Variants in TECPR2 observed in about 807,000 individuals in gnomAD.
TECPR2 encodes the protein tectonin beta-propeller repeat-containing protein 2.
A neutral mutation model predicts 138.1 loss-of-function variants in TECPR2; 65 were observed. That is an observed-to-expected ratio of 0.47 (90% confidence interval 0.39 to 0.58). The LOEUF (loss-of-function observed/expected upper bound fraction) is 0.58, where lower values mean the gene tolerates loss of function less well. Among genes scored for constraint, TECPR2 ranks in the 20% least tolerant of loss-of-function variants. The pLI, the probability that TECPR2 is intolerant of heterozygous loss-of-function variation, is 0.00. For missense variants in TECPR2, 1,553 were observed against 1,824.5 expected, an observed-to-expected ratio of 0.85 and a Z score of 2.71; for synonymous variants, 746 against 749.8, an observed-to-expected ratio of 0.99 and a Z score of 0.08.
rs111575651 is a variant in TECPR2, at chr14:102,431,549, A to G, written c.1085-247A>G. 0.16 allele frequency among the ~76,000 whole-genome samples: 24,730 copies of G among 151,944 alleles called. 2,756 individuals carry two copies. Among genetic ancestry groups the G allele is most frequent in the African/African-American group, 0.33 (13,467 of 41,428 alleles). On this transcript the variant is annotated intron_variant, in intron 7 of 19. Coordinates refer to ENST00000359520, the MANE Select transcript of TECPR2 (RefSeq NM_014844.5). ...AGTAGAGACGGGGTTTCACTGTGTT[A>G]GCCAGGATGGTCTTGATCTCCTGAC...
intron 10 of TECPR2, 84 bp from the exon 11 acceptor site, chr14:102,440,352 C>A: frequency 6.6e-7 from 1 of 1,513,592 alleles, no homozygotes; most frequent in Non-Finnish European, 8.9e-7. Context: ...AATCTTTCTC[C>A]CCTCAATGCC....
chr14:102,495,488 C>T (rs980723256), intron 17 of TECPR2, among the ~76,000 whole-genome samples: 6 of 152,084 alleles, frequency 3.9e-5, no homozygotes, highest in African/African-American at 1.4e-4. Flanking sequence ...GCCCCCATTC[C>T]AGGGGGATGC....
At chr14:102,479,400 ATGT>A (rs1477954582) in intron 17 of TECPR2, among the ~76,000 whole-genome samples, 1 of 151,954 alleles carries the variant, frequency 6.6e-6, no homozygotes, top group Non-Finnish European at 1.5e-5. Flanking sequence ...TGCACAAAGG[ATGT>A]TGTGGGAAAG....
chr14:102,466,779 CAGAG>C (rs1020690682), intron 17 of TECPR2, among the ~76,000 whole-genome samples: 3 of 152,194 alleles, frequency 2.0e-5, no homozygotes, highest in African/African-American at 7.2e-5. Flanking sequence ...CACTCCAAAA[CAGAG>C]AGAACACCCT....
intron 5 of TECPR2, among the ~76,000 whole-genome samples, chr14:102,423,162 G>A (rs1188892388): frequency 6.6e-6 from 1 of 152,172 alleles, no homozygotes; most frequent in Non-Finnish European, 1.5e-5. Flanking sequence ...GCCAGGCGCA[G>A]TGGCTCATGC....
At chr14:102,496,396 C>T (rs1442478551) in intron 17 of TECPR2, among the ~76,000 whole-genome samples, 1 of 152,232 alleles carries the variant, frequency 6.6e-6, no homozygotes, top group African/African-American at 2.4e-5. Flanking sequence ...GGGACTTCCT[C>T]CTGTCCTGTG....
intron 17 of TECPR2, among the ~76,000 whole-genome samples, chr14:102,474,414 C>T (rs1047442994): frequency 1.3e-5 from 2 of 152,146 alleles, no homozygotes; most frequent in Non-Finnish European, 2.9e-5. Context: ...CACCTGAGGT[C>T]GGGAGTTCAA....
intron 13 of TECPR2, among the ~76,000 whole-genome samples, chr14:102,446,609 TAA>T (rs1208594836): frequency 6.6e-6 from 1 of 151,662 alleles, no homozygotes; most frequent in Admixed American, 6.6e-5. Flanking sequence ...TAAATAAAAA[TAA>T]AAAAGAGAGA....
chr14:102,440,347 T>G, intron 10 of TECPR2, 89 bp from the exon 11 acceptor site: 1 of 1,505,054 alleles, frequency 6.6e-7, no homozygotes, highest in Non-Finnish European at 9.0e-7. Context: ...TTAGAAATCT[T>G]TCTCCCCTCA....
At chr14:102,483,548 C>T (rs1289540607) in intron 17 of TECPR2, among the ~76,000 whole-genome samples, 2 of 151,704 alleles carry the variant, frequency 1.3e-5, no homozygotes, top group East Asian at 1.9e-4. Context: ...CTCAAGCAAT[C>T]CTCCCACCAC....
At position 102,435,176 on chromosome 14, in the gene TECPR2, G is replaced by A. The variant is rs780941342; in HGVS notation, c.2359G>A (p.Gly787Ser). 3.7e-6 allele frequency: 6 copies of A among 1,612,672 alleles called. No individual in the cohort carries two copies. The highest frequency in any genetic ancestry group is 4.5e-5 in the East Asian group (2 of 44,868). ...SCSQQDLSRLGAEDAGLLKPD... is the reference protein window; with the variant it reads ...SCSQQDLSRLSAEDAGLLKPD... ...CTCCCAGCAGGACCTGAGCCGGCTG[G>A]GTGCAGAGGACGCCGGGCTGCTCAA... The change falls in exon 9 of 20, where the codon GGT becomes AGT. Residue 787 changes from glycine (G) to serine (S), a missense_variant. Physicochemically the swap from Gly to Ser is moderately conservative, Grantham distance 56. Coordinates refer to ENST00000359520, the MANE Select transcript of TECPR2 (RefSeq NM_014844.5).
Position 102,438,217 on chromosome 14 carries a change from C to CGCTCCCT in TECPR2, c.2578+19_2578+25dup. On this transcript the variant is annotated intron_variant, in intron 10 of 19. Coordinates refer to ENST00000359520, the MANE Select transcript of TECPR2 (RefSeq NM_014844.5). ...AGTCTCGCCCTCAGGTTCGCCTCCCCGCTCCCTGCTCCCGCTCCCTGCTCC... is the reference window on the plus strand; with the variant it reads ...AGTCTCGCCCTCAGGTTCGCCTCCCCGCTCCCTGCTCCCTGCTCCCGCTCCCTGCTCC... The CGCTCCCT allele has an allele frequency of 1.1e-6, 1 of 871,570 alleles. No individual in the cohort carries two copies. Among genetic ancestry groups the CGCTCCCT allele is most frequent in the Non-Finnish European group, 1.7e-6 (1 of 602,250 alleles). The allele number at this position is 871,570 out of a possible 1,614,324, so 54.0% of individuals were successfully genotyped here. A position where few individuals can be genotyped will look rare whatever the true frequency, so the allele number is the denominator to read the frequency against.
intron 2 of TECPR2, among the ~76,000 whole-genome samples, chr14:102,403,842 T>TA (rs1567326020): frequency 1.3e-5 from 2 of 152,108 alleles, no homozygotes; most frequent in African/African-American, 4.8e-5. Context: ...TGAAAGAAAT[T>TA]AAAGACATAG....
chr14:102,498,109 C>T lies in TECPR2; in HGVS notation c.4088C>T (p.Ala1363Val), dbSNP rs753381670. ...PGSVSCFTVT[A>V]SDELWAVGPP... is the part of the protein sequence containing the mutation. ...TTGGCTCTTGTCCCTGCAGTGACTG[C>T]GTCAGATGAGCTGTGGGCTGTGGGC... The change falls in exon 20 of 20, where the codon GCG becomes GTG. Residue 1363 changes from alanine (A) to valine (V), a missense_variant. Transcript: ENST00000359520. The T allele has an allele frequency of 1.1e-5, 17 of 1,613,026 alleles. No homozygotes were observed. Among genetic ancestry groups the T allele is most frequent in the East Asian group, 2.2e-5 (1 of 44,864 alleles).
At chr14:102,401,232 A>T (rs2058922357) in intron 2 of TECPR2, among the ~76,000 whole-genome samples, 1 of 152,008 alleles carries the variant, frequency 6.6e-6, no homozygotes, top group Non-Finnish European at 1.5e-5. Flanking sequence ...TGAGGTCAGG[A>T]GTTCGAGACC....
intron 2 of TECPR2, among the ~76,000 whole-genome samples, chr14:102,403,582 A>G (rs964699775): frequency 6.6e-5 from 10 of 152,208 alleles, no homozygotes; most frequent in Non-Finnish European, 1.3e-4. Flanking sequence ...GAAGAAGTAA[A>G]AGTATCTCTG....
chr14:102,414,973 G>T (rs1314700814), intron 5 of TECPR2, among the ~76,000 whole-genome samples, 180 bp downstream of exon 5: 1 of 152,144 alleles, frequency 6.6e-6, no homozygotes, highest in East Asian at 1.9e-4. Context: ...CCCAGAGGCA[G>T]ACAAGAAGAG....
At chr14:102,386,419 G>C (rs1279740388) in intron 2 of TECPR2, among the ~76,000 whole-genome samples, 1 of 152,170 alleles carries the variant, frequency 6.6e-6, no homozygotes, top group African/African-American at 2.4e-5. Context: ...GCAGTGAGTA[G>C]AGATTGCGCC....
chr14:102,467,288 A>C (rs1164941865), intron 17 of TECPR2, among the ~76,000 whole-genome samples: 1 of 148,220 alleles, frequency 6.7e-6, no homozygotes, highest in Non-Finnish European at 1.5e-5. Flanking sequence ...CCAGCAAGAT[A>C]TGAGAGTTCT....
Sources: allele counts gnomAD v4.1 joint callset (sites outside exome capture counted in the v4.1 genomes callset), GRCh38; gene constraint gnomAD v4.1.1; transcripts MANE v1.5; gene names NCBI Gene and HGNC (gene_info 2026-07-23, HGNC 2026-07-21).